NCAM1: variants seen among roughly 807,000 people sequenced by gnomAD.
NCAM1 encodes the protein neural cell adhesion molecule 1, also known as antigen recognized by monoclonal antibody 5.1H11.
A neutral mutation model predicts 109.8 loss-of-function variants in NCAM1; 14 were observed. That is an observed-to-expected ratio of 0.13 (90% confidence interval 0.08 to 0.20). NCAM1 has a LOEUF of 0.20. Among genes scored for constraint, NCAM1 ranks in the 10% least tolerant of loss-of-function variants. The pLI, the probability that NCAM1 is intolerant of heterozygous loss-of-function variation, is 1.00. For missense variants in NCAM1, 774 were observed against 1,109.9 expected (o/e 0.70, Z 4.30); for synonymous variants, 418 against 442.9 (o/e 0.94, Z 0.70).
At chr11:113,235,226 G>A (rs782805331) in intron 14 of NCAM1, 62 bp downstream of exon 14, 11 of 1,612,456 alleles carry the variant, frequency 6.8e-6, no homozygotes, top group African/African-American at 6.7e-5. Flanking sequence ...GGGCAGTGGG[G>A]AACCCTGAGC....
In NCAM1 at chr11:113,276,669, T is replaced by G. The variant is rs1317370722; in HGVS notation, c.*1282T>G. ...GTGCTTCAGGGAATTAGTGTCTTTT[T>G]TTGGAAATCTGTTGAAGTAAAGTAA... On this transcript the variant is annotated 3_prime_UTR_variant, in exon 20 of 20. Transcript: ENST00000316851. The G allele has an allele frequency of 2.0e-5, 3 of 152,630 alleles. No individual in the cohort carries two copies. The highest frequency in any genetic ancestry group is 2.0e-4 in the Admixed American group (3 of 15,284). The allele number at this position is 152,630 out of a possible 1,614,324, so 9.5% of individuals were successfully genotyped here. A position where few individuals can be genotyped will look rare whatever the true frequency, so the allele number is the denominator to read the frequency against.
At chr11:113,212,983 A>G (rs1290939951) in intron 7 of NCAM1, among the ~76,000 whole-genome samples, 3 of 152,254 alleles carry the variant, frequency 2.0e-5, no homozygotes, top group Non-Finnish European at 4.4e-5. Flanking sequence ...TTTGCTAAAC[A>G]GGCTGTCAGT....
chr11:113,236,282 C>A (rs782569142), intron 14 of NCAM1: 1 of 1,612,080 alleles, frequency 6.2e-7, no homozygotes, highest in East Asian at 2.2e-5. Flanking sequence ...CGTCTGTGTT[C>A]CATCCATGGG....
At chr11:113,138,615 C>G (rs550433795) in intron 1 of NCAM1, among the ~76,000 whole-genome samples, 2 of 152,322 alleles carry the variant, frequency 1.3e-5, no homozygotes, top group South Asian at 4.2e-4. Flanking sequence ...GATCTGGGCT[C>G]TTTTTACAAT....
intron 1 of NCAM1, among the ~76,000 whole-genome samples, chr11:113,025,278 T>C (rs1166900040): frequency 2.0e-5 from 3 of 152,188 alleles, no homozygotes; most frequent in Non-Finnish European, 4.4e-5. Flanking sequence ...GCTCATGTGT[T>C]GGGTTATAGC....
At chr11:113,197,013 CCTT>C (rs1362886145) in intron 1 of NCAM1, among the ~76,000 whole-genome samples, 1 of 152,120 alleles carries the variant, frequency 6.6e-6, no homozygotes, top group African/African-American at 2.4e-5. Context: ...GCAGCACAGA[CCTT>C]CTTCACGTGG....
intron 14 of NCAM1, chr11:113,240,649 C>T (rs782109385): frequency 1.0e-5 from 8 of 787,838 alleles, no homozygotes; most frequent in Non-Finnish European, 1.8e-5. Flanking sequence ...TGTTCACACA[C>T]GGTGTTGTTC....
chr11:113,120,140 A>G (rs562548178), intron 1 of NCAM1, among the ~76,000 whole-genome samples: 1 of 152,326 alleles, frequency 6.6e-6, no homozygotes, highest in South Asian at 2.1e-4. Flanking sequence ...TTACTGGTTT[A>G]TGAAGAAAAG....
At chr11:113,075,044 T>C (rs914672817) in intron 1 of NCAM1, among the ~76,000 whole-genome samples, 2 of 152,126 alleles carry the variant, frequency 1.3e-5, no homozygotes, top group African/African-American at 4.8e-5. Flanking sequence ...CCTGAGTTTC[T>C]GCCCCGCTCT....
At chr11:113,260,561 T>C (rs565814754) in intron 17 of NCAM1, among the ~76,000 whole-genome samples, 7 of 152,282 alleles carry the variant, frequency 4.6e-5, no homozygotes, top group Admixed American at 2.0e-4. Context: ...CCATTTGGCC[T>C]TGAAGGACTG....
At chr11:113,032,889 T>C (rs1952765188) in intron 1 of NCAM1, among the ~76,000 whole-genome samples, 1 of 152,218 alleles carries the variant, frequency 6.6e-6, no homozygotes, top group Non-Finnish European at 1.5e-5. Flanking sequence ...GTTTTCTAAA[T>C]GAAATGACTT....
intron 17 of NCAM1, among the ~76,000 whole-genome samples, chr11:113,267,186 G>C (rs1251024734): frequency 6.6e-6 from 1 of 152,172 alleles, no homozygotes; most frequent in African/African-American, 2.4e-5. Context: ...TTTGGAAATA[G>C]TATTCTCGTC....
Position 113,207,288 on chromosome 11 carries a change from A to G in NCAM1, c.656A>G (p.Asn219Ser). ...NVPPTIQARQ[N>S]IVNATANLGQ... ...CCACCTACCATCCAGGCCAGGCAGA[A>G]TATTGTGAATGCCACCGCCAACCTC... is the stretch of plus-strand genomic sequence containing the variant. The change falls in exon 6 of 20, where the codon AAT becomes AGT. Residue 219 changes from asparagine to serine, a missense_variant. Physicochemically the swap from Asn to Ser is conservative, Grantham distance 46. Transcript: ENST00000316851. The G allele has an allele frequency of 1.2e-6, 2 of 1,614,016 alleles. No homozygotes were observed. Among genetic ancestry groups the G allele is most frequent in the Non-Finnish European group, 1.7e-6 (2 of 1,179,884 alleles).
At chr11:113,220,970 A>G (rs1272454970) in intron 8 of NCAM1, among the ~76,000 whole-genome samples, 3 of 152,150 alleles carry the variant, frequency 2.0e-5, no homozygotes, top group African/African-American at 4.8e-5. Flanking sequence ...CATGTCACCA[A>G]ATACTATGAG....
At chr11:113,073,220 CA>C (rs1938368919) in intron 1 of NCAM1, among the ~76,000 whole-genome samples, 1 of 152,144 alleles carries the variant, frequency 6.6e-6, no homozygotes, top group Non-Finnish European at 1.5e-5. Flanking sequence ...GTATAGGCCA[CA>C]TTTTTTTTCT....
Position 113,204,330 on chromosome 11 carries a change from A to G in NCAM1, c.172A>G (p.Asn58Asp), listed in dbSNP as rs782375380. 2.5e-6 allele frequency: 4 copies of G among 1,613,668 alleles called. No homozygotes were observed. Among genetic ancestry groups the G allele is most frequent in the Non-Finnish European group, 3.4e-6 (4 of 1,179,804 alleles). The stretch of plus-strand genomic sequence containing the variant: ...TAAAGACATCTCCTGGTTCTCCCCC[A>G]ATGGAGAAAAGCTCACCCCAAACCA... ...KDKDISWFSP[N>D]GEKLTPNQQR... Residue 58 changes from asparagine to aspartate, a missense_variant, in exon 3 of 20, where the codon AAT becomes GAT. Asn to Asp is a conservative substitution (Grantham distance 23). Around this residue, in one of 4 missense-constraint regions of NCAM1, gnomAD observed 112 missense variants for 142.0 expected, o/e 0.79. Coordinates refer to ENST00000316851, the MANE Select transcript of NCAM1 (RefSeq NM_181351.5).
intron 7 of NCAM1, among the ~76,000 whole-genome samples, chr11:113,210,303 A>C (rs1165545480): frequency 1.3e-5 from 2 of 152,138 alleles, no homozygotes; most frequent in Non-Finnish European, 2.9e-5. Context: ...CGCCCCTATG[A>C]TGTAGATTTT....
chr11:113,025,895 C>CT (rs1477884994), intron 1 of NCAM1, among the ~76,000 whole-genome samples: 3 of 150,808 alleles, frequency 2.0e-5, no homozygotes, highest in African/African-American at 4.9e-5. Context: ...TTTATGGAAA[C>CT]TTTTTTTGAG....
intron 1 of NCAM1, among the ~76,000 whole-genome samples, chr11:113,132,445 C>A (rs1046726670): frequency 1.4e-5 from 2 of 144,034 alleles, no homozygotes; most frequent in African/African-American, 5.0e-5. Flanking sequence ...TTCCTTAATG[C>A]CCCCAAGGGA....
Sources: gnomAD v4.1 joint callset for allele counts (sites outside exome capture counted in the v4.1 genomes callset) on GRCh38, gnomAD v4.1.1 for gene constraint, gnomAD v4.1.1 regional missense constraint, MANE v1.5 for transcripts, NCBI Gene and HGNC (gene_info 2026-07-23, HGNC 2026-07-21) for gene names.